Variants in USH2A observed in about 807,000 individuals in gnomAD.
The protein encoded by USH2A is usherin.
In USH2A, 443 loss-of-function variants were observed where a neutral mutation model predicts 538.9. The ratio of observed to expected loss-of-function variants is 0.82; its 90% CI spans 0.76 to 0.89. USH2A has a LOEUF of 0.89. Ranked by LOEUF, USH2A falls within the 40% of genes least tolerant of loss-of-function variation. The pLI is 0.00. For synonymous variants in USH2A, 2,413 were observed against 2,273.5 expected (o/e 1.06, Z -1.75); for missense variants, 6,633 against 6,324.8 (o/e 1.05, Z -1.65).
At chr1:216,291,924 A>G (rs2037008926) in intron 10 of USH2A, among the ~76,000 whole-genome samples, 1 of 152,102 alleles carries the variant, frequency 6.6e-6, no homozygotes, top group Non-Finnish European at 1.5e-5. Flanking sequence ...TTAAAAAACA[A>G]AACAAAACAA....
chr1:216,337,740 C>T (rs1477235709), intron 4 of USH2A, among the ~76,000 whole-genome samples: 1 of 151,098 alleles, frequency 6.6e-6, no homozygotes, highest in African/African-American at 2.4e-5. Context: ...ATATTATTTG[C>T]AAATTACATG....
chr1:215,869,915 T>C (rs920021639), intron 43 of USH2A, among the ~76,000 whole-genome samples: 3 of 152,230 alleles, frequency 2.0e-5, no homozygotes, highest in African/African-American at 7.2e-5. Context: ...AATTTACGTC[T>C]ACAAAACTCA....
At chr1:215,975,543 C>T (rs1486173617) in intron 35 of USH2A, among the ~76,000 whole-genome samples, 1 of 152,046 alleles carries the variant, frequency 6.6e-6, no homozygotes, top group African/African-American at 2.4e-5. Flanking sequence ...GGCTAGCAAG[C>T]TACCCCAGCA....
In USH2A at chr1:216,238,957, T is replaced by C. The variant is rs371997768; in HGVS notation, c.2810-6821A>G. ...GGTCTCTCAGACATGTTTAAATAAG[T>C]AAATGAAAGCTTCAGATTGTAGCAG... On this transcript the variant is annotated intron_variant, in intron 13 of 71. Coordinates refer to ENST00000307340, the MANE Select transcript of USH2A (RefSeq NM_206933.4). Among the ~76,000 whole-genome samples, 85 of 152,188 alleles carry C rather than the reference T, an allele frequency of 5.6e-4. 2 individuals are homozygous for C. In the South Asian group the frequency reaches 0.015, roughly 27 times the overall value.
intron 3 of USH2A, among the ~76,000 whole-genome samples, chr1:216,385,428 G>T (rs1021166794): frequency 2.6e-5 from 4 of 152,088 alleles, no homozygotes; most frequent in African/African-American, 9.7e-5. Context: ...TGAAAGTAAA[G>T]AAATGAAAGA....
chr1:215,624,540 C>CTGTT lies in USH2A; in HGVS notation c.*1237_*1240dup, dbSNP rs913947614. 6.6e-6 allele frequency: 1 copy of CTGTT among 152,154 alleles called. No homozygotes were observed. 9.4% of individuals were successfully genotyped at this position (152,154 alleles called of 1,614,324 possible). The stretch of plus-strand genomic sequence containing the variant: ...AAGGAAGACAAGAGGTTTTCTTACT[C>CTGTT]TGTTTTCCATGAAGAACAAATTTAA... On this transcript the variant is annotated 3_prime_UTR_variant, in exon 72 of 72. Coordinates refer to ENST00000307340, the MANE Select transcript of USH2A (RefSeq NM_206933.4).
At chr1:216,409,066 T>C (rs770865501) in intron 3 of USH2A, among the ~76,000 whole-genome samples, 1 of 152,126 alleles carries the variant, frequency 6.6e-6, no homozygotes, top group Non-Finnish European at 1.5e-5. Context: ...TGTATACTAA[T>C]GGCTACACAG....
chr1:215,784,209 C>T (rs900720385), intron 52 of USH2A, among the ~76,000 whole-genome samples: 1 of 152,082 alleles, frequency 6.6e-6, no homozygotes. Flanking sequence ...ACTCAGATCT[C>T]AATACTTGAA....
intron 64 of USH2A, among the ~76,000 whole-genome samples, chr1:215,669,185 C>T (rs1032878521): frequency 1.8e-4 from 27 of 152,250 alleles, no homozygotes; most frequent in African/African-American, 5.5e-4. Flanking sequence ...GTTTAATTAG[C>T]GGCTGAAGAT....
intron 9 of USH2A, among the ~76,000 whole-genome samples, chr1:216,317,579 G>A: frequency 6.6e-6 from 1 of 152,096 alleles, no homozygotes; most frequent in East Asian, 1.9e-4. Context: ...CAGGAGTGGT[G>A]GCTCATGCCT....
At chr1:216,317,389 T>C (rs2037528309) in intron 9 of USH2A, among the ~76,000 whole-genome samples, 1 of 152,028 alleles carries the variant, frequency 6.6e-6, no homozygotes, top group Non-Finnish European at 1.5e-5. Flanking sequence ...TTGGGGCCTC[T>C]TAGGGATGGT....
Position 215,798,952 on chromosome 1 carries a change from C to A in USH2A, c.9913G>T (p.Glu3305Ter). ...ACTCCTTCTTCTCCACCACAACACT[C>A]TAAATCGTTGCTCACAATCTGTCTG... Reference protein sequence around the residue: ...CGRQIVSNDLECCGGEEGVVY... With the variant: ...CGRQIVSNDL The change falls in exon 50 of 72, where the codon GAG (glutamate) becomes TAG (stop). Residue 3305 changes from glutamate (E) to a stop codon, truncating the protein, a stop_gained. Coordinates refer to ENST00000307340, the MANE Select transcript of USH2A (RefSeq NM_206933.4). LOFTEE classifies it high-confidence loss of function. 6.2e-7 allele frequency: 1 copy of A among 1,614,140 alleles called. No individual in the cohort carries two copies. The highest frequency in any genetic ancestry group is 8.5e-7 in the Non-Finnish European group (1 of 1,180,010).
chr1:216,251,837 G>T (rs1185293494), intron 11 of USH2A, among the ~76,000 whole-genome samples: 1 of 151,998 alleles, frequency 6.6e-6, no homozygotes, highest in African/African-American at 2.4e-5. Flanking sequence ...TTTCTATAAT[G>T]ATATAATGAT....
At chr1:216,418,383 T>C in intron 3 of USH2A, 131 bp downstream of exon 3, 1 of 1,007,850 alleles carries the variant, frequency 9.9e-7, no homozygotes, top group Non-Finnish European at 1.5e-6. Context: ...TCTTCTTTAG[T>C]TGTCATTTAT....
chr1:216,287,153 G>A (rs967620056), intron 11 of USH2A, among the ~76,000 whole-genome samples: 1 of 152,074 alleles, frequency 6.6e-6, no homozygotes, highest in Admixed American at 6.6e-5. Context: ...CATTTGAAAG[G>A]CAACCAATGT....
chr1:215,644,538 T>C (rs893687077), intron 67 of USH2A, among the ~76,000 whole-genome samples: 1 of 152,086 alleles, frequency 6.6e-6, no homozygotes, highest in East Asian at 1.9e-4. Flanking sequence ...ACCAACAAAG[T>C]TGACTAAAAA....
In USH2A at chr1:216,380,082, T is replaced by G. The variant is rs141180484; in HGVS notation, c.652-14997A>C. Among the ~76,000 whole-genome samples, 34 of 152,268 alleles carry G rather than the reference T, an allele frequency of 2.2e-4. 1 individual carries two copies. Among genetic ancestry groups the G allele is most frequent in the African/African-American group, 7.2e-4 (30 of 41,566 alleles). ...AGAATTGATAAGGAATTTAGTTTTA[T>G]TTCACCTTTTTATTAATGATCTACA... On this transcript the variant is annotated intron_variant, in intron 3 of 71. Transcript: ENST00000307340.
intron 66 of USH2A, 96 bp from the exon 67 acceptor site, chr1:215,647,826 G>T: frequency 7.1e-7 from 1 of 1,410,880 alleles, no homozygotes; most frequent in South Asian, 1.2e-5. Flanking sequence ...GAGACATTTT[G>T]TTTTCACAGA....
intron 21 of USH2A, among the ~76,000 whole-genome samples, chr1:216,107,455 G>A (rs912436297): frequency 2.6e-5 from 4 of 151,510 alleles, no homozygotes; most frequent in African/African-American, 9.7e-5. Flanking sequence ...TATGATAAAT[G>A]TTTCATGGTT....
Sources: allele counts gnomAD v4.1 joint callset (sites outside exome capture counted in the v4.1 genomes callset), GRCh38; gene constraint gnomAD v4.1.1; transcripts MANE v1.5; gene names NCBI Gene and HGNC (gene_info 2026-07-23, HGNC 2026-07-21).